LAMC2: variants seen among roughly 807,000 people sequenced by gnomAD.
LAMC2 encodes the protein laminin subunit gamma-2.
Under a neutral mutation model 140.2 loss-of-function variants are expected in LAMC2, and 97 were observed. That is an observed-to-expected ratio of 0.69 (90% CI 0.59 to 0.82). The LOEUF (loss-of-function observed/expected upper bound fraction) is 0.82, where lower values mean the gene tolerates loss of function less well. Ranked by LOEUF, LAMC2 falls within the 40% of genes least tolerant of loss-of-function variation. The probability of loss-of-function intolerance (pLI) is 0.00; values close to 1 mark genes in which losing one functional copy is unlikely to be tolerated. For missense variants in LAMC2, 1,402 were observed against 1,476.1 expected (o/e 0.95, Z 0.82); for synonymous variants, 513 against 540.2 (o/e 0.95, Z 0.70).
chr1:183,232,771 T>C lies in LAMC2; in HGVS notation c.2134T>C (p.Tyr712His). The C allele has an allele frequency of 6.2e-7, 1 of 1,614,082 alleles. No individual in the cohort carries two copies. Among genetic ancestry groups the C allele is most frequent in the Non-Finnish European group, 8.5e-7 (1 of 1,179,982 alleles). ...VERVRALGSQYQNRVRDTHRL... is the reference protein window; with the variant it reads ...VERVRALGSQHQNRVRDTHRL... ...AAGAGTTCGGGCTCTGGGAAGTCAG[T>C]ACCAGAACCGAGTTCGGGATACTCA... The change falls in exon 14 of 23, where the codon TAC (tyrosine) becomes CAC (histidine). Residue 712 changes from tyrosine to histidine, a missense_variant. Transcript: ENST00000264144.
downstream of LAMC2, among the ~76,000 whole-genome samples, chr1:183,245,181 C>T (rs1033554034): frequency 6.6e-6 from 1 of 152,110 alleles, no homozygotes; most frequent in African/African-American, 2.4e-5. Context: ...TTATCTTTTT[C>T]ATCAGCTATA....
At chr1:183,203,115 A>AT (rs1322139233) in intron 1 of LAMC2, among the ~76,000 whole-genome samples, 2 of 152,090 alleles carry the variant, frequency 1.3e-5, no homozygotes, top group Non-Finnish European at 2.9e-5. Flanking sequence ...AAAAATATAT[A>AT]TTTTTTTAAT....
intron 1 of LAMC2, among the ~76,000 whole-genome samples, chr1:183,188,739 C>T (rs771699023): frequency 1.9e-4 from 29 of 152,164 alleles, no homozygotes; most frequent in Admixed American, 1.6e-3. Flanking sequence ...ACCAAGGCTC[C>T]CCTTCAGGAT....
chr1:183,211,799 T>C (rs1659078084), intron 2 of LAMC2, among the ~76,000 whole-genome samples: 3 of 152,240 alleles, frequency 2.0e-5, no homozygotes. Context: ...TGAGCCACCA[T>C]GCTCGGCCCT....
intron 7 of LAMC2, 79 bp downstream of exon 7, chr1:183,223,403 A>G (rs1167322664): frequency 7.3e-7 from 1 of 1,374,530 alleles, no homozygotes; most frequent in South Asian, 1.2e-5. Flanking sequence ...TCATTCAATC[A>G]TCATTCATTT....
Position 183,204,141 on chromosome 1 carries a change from T to G in LAMC2, c.80-3740T>G, listed in dbSNP as rs189445727. Among the ~76,000 whole-genome samples the G allele has an allele frequency of 1.3e-4, 19 of 151,916 alleles. No homozygotes were observed. The East Asian group carries it at 3.5e-3, about 28-fold the overall frequency. On this transcript the variant is annotated intron_variant, in intron 1 of 22. Transcript: ENST00000264144. ...CCTGTCTCTACCAAAAAGTAACACA[T>G]TTAGTTGAGTGTTGTGGCATGCATC...
At position 183,236,498 on chromosome 1, in the gene LAMC2, G is replaced by A. The variant is rs777437558; in HGVS notation, c.2495G>A (p.Arg832Lys). 57 of 1,613,804 alleles carry A rather than the reference G, an allele frequency of 3.5e-5. No homozygotes were observed. Among genetic ancestry groups the A allele is most frequent in the Non-Finnish European group, 4.7e-5 (56 of 1,180,004 alleles). The change falls in exon 17 of 23, where the codon AGG becomes AAG. Residue 832 changes from arginine (R) to lysine (K), a missense_variant. Arg to Lys is a conservative substitution (Grantham distance 26). Around this residue, in one of 3 missense-constraint regions of LAMC2, gnomAD observed 670 missense variants for 667.2 expected, o/e 1.00. Coordinates refer to ENST00000264144, the MANE Select transcript of LAMC2 (RefSeq NM_005562.3). ...KTKSLAQQLTREATQAEIEAD... is the reference protein window; with the variant it reads ...KTKSLAQQLTKEATQAEIEAD... ...AAGTCCCTGGCCCAGCAGTTGACAA[G>A]GGAGGCCACTCAAGCGGAAATTGAA...
chr1:183,188,179 G>A (rs1167577883), intron 1 of LAMC2, among the ~76,000 whole-genome samples: 1 of 152,152 alleles, frequency 6.6e-6, no homozygotes, highest in Non-Finnish European at 1.5e-5. Context: ...CTTCCCTGGA[G>A]GCAGACTAAG....
At chr1:183,253,083 A>G in the LAMC2 span, among the ~76,000 whole-genome samples, 1 of 152,116 alleles carries the variant, frequency 6.6e-6, no homozygotes, top group African/African-American at 2.4e-5. Flanking sequence ...CACTTAGAAG[A>G]GTGCCAGACA....
rs896199708 is a variant in LAMC2, at chr1:183,228,292, G to A, written c.1469-82G>A. On this transcript the variant is annotated intron_variant, in intron 10 of 22. Coordinates refer to ENST00000264144, the MANE Select transcript of LAMC2 (RefSeq NM_005562.3). The surrounding 1 kb of genome is among the most constrained non-coding windows in gnomAD (Gnocchi z 4.3). ...CACATTTCTCTGGCTCTTCTAGAGGGTGACTCGCAACTTTAGGCCTCTGCG... is the reference window on the plus strand; with the variant it reads ...CACATTTCTCTGGCTCTTCTAGAGGATGACTCGCAACTTTAGGCCTCTGCG... 1 of 1,577,506 alleles carries A rather than the reference G, an allele frequency of 6.3e-7. No homozygotes were observed. The highest frequency in any genetic ancestry group is 1.7e-5 in the Admixed American group (1 of 59,878).
At chr1:183,201,575 A>G (rs1289130944) in intron 1 of LAMC2, among the ~76,000 whole-genome samples, 1 of 152,322 alleles carries the variant, frequency 6.6e-6, no homozygotes, top group East Asian at 1.9e-4. Flanking sequence ...AATATGATAC[A>G]TGCTTGACAC....
chr1:183,227,950 AGAT>A (rs773344100), intron 10 of LAMC2, among the ~76,000 whole-genome samples: 2 of 152,244 alleles, frequency 1.3e-5, no homozygotes, highest in Admixed American at 6.5e-5. Context: ...TGTCATTAGA[AGAT>A]GACATTTTCA....
intron 22 of LAMC2, chr1:183,241,230 A>T: frequency 1.1e-6 from 1 of 896,312 alleles, no homozygotes; most frequent in Non-Finnish European, 1.3e-6. Context: ...CCTGGGGAAC[A>T]GAGCAAGACT....
chr1:183,236,695 C>A, intron 17 of LAMC2, 91 bp downstream of exon 17: 2 of 1,443,760 alleles, frequency 1.4e-6, no homozygotes, highest in Non-Finnish European at 1.9e-6. Context: ...AAACATTCAG[C>A]TTTTTCTCCA....
rs546756079 is a variant in LAMC2 at position 183,236,797 on chromosome 1, A to G, written c.2601+193A>G. Among the ~76,000 whole-genome samples the G allele has an allele frequency of 6.6e-5, 10 of 152,332 alleles. No homozygotes were observed. The East Asian group carries it at 1.9e-3, about 29-fold the overall frequency. ...TAAACCACAATCCTAGTCTCTGGAA[A>G]GGATTTGACCCATGCTAAACCTATT... On this transcript the variant is annotated intron_variant, in intron 17 of 22. Coordinates refer to ENST00000264144, the MANE Select transcript of LAMC2 (RefSeq NM_005562.3).
In LAMC2 at chr1:183,239,412, T is replaced by C. The variant is rs752571657; in HGVS notation, c.2918T>C (p.Met973Thr). 29 of 1,614,016 alleles carry C rather than the reference T, an allele frequency of 1.8e-5. No homozygotes were observed. Among genetic ancestry groups the C allele is most frequent in the Non-Finnish European group, 2.5e-5 (29 of 1,180,024 alleles). Reference sequence around the variant, plus strand: ...AGAAAAGCAGAAGCTGAAGAAGCCATGAAGAGACTCTCCTACATCAGCCAG... The same window carrying C: ...AGAAAAGCAGAAGCTGAAGAAGCCACGAAGAGACTCTCCTACATCAGCCAG... Reference protein sequence around the residue: ...DNRKAEAEEAMKRLSYISQKV... With the variant: ...DNRKAEAEEATKRLSYISQKV... Residue 973 changes from methionine (M) to threonine (T), a missense_variant, in exon 20 of 23, where the codon ATG (methionine) becomes ACG (threonine). Coordinates refer to ENST00000264144, the MANE Select transcript of LAMC2 (RefSeq NM_005562.3).
chr1:183,241,068 T>TG (rs1660122361), intron 22 of LAMC2: 1 of 155,086 alleles, frequency 6.4e-6, no homozygotes, highest in Non-Finnish European at 1.4e-5. Context: ...GCCAACATGG[T>TG]GAAACCCTGT....
chr1:183,186,394 C>G lies in LAMC2; in HGVS notation c.42C>G (p.Leu14=), dbSNP rs775148193. Residue 14 remains leucine, a synonymous_variant, in exon 1 of 23, where the codon CTC becomes CTG. Transcript: ENST00000264144. ...TGGGCTGCTGCCTCTGCTTCTCGCT[C>G]CTCCTGCCCGCAGCCCGGGCCACCT... ...LWLGCCLCFS[L]LLPAARATSR... 1 of 1,606,010 alleles carries G rather than the reference C, an allele frequency of 6.2e-7. No individual in the cohort carries two copies.
chr1:183,257,261 TA>T, the LAMC2 span, among the ~76,000 whole-genome samples: 3 of 151,834 alleles, frequency 2.0e-5, no homozygotes, highest in Non-Finnish European at 4.4e-5. Context: ...GCCAACATAG[TA>T]AAACCCTGTC....
Sources: allele counts gnomAD v4.1 joint callset (sites outside exome capture counted in the v4.1 genomes callset), GRCh38; gene constraint gnomAD v4.1.1; regional missense constraint gnomAD v4.1.1; non-coding constraint Gnocchi (gnomAD v3.1); transcripts MANE v1.5; gene names NCBI Gene and HGNC (gene_info 2026-07-23, HGNC 2026-07-21).